MAGI1: variants seen among roughly 807,000 people sequenced by gnomAD.
MAGI1 encodes membrane associated guanylate kinase, WW and PDZ domain containing 1.
MAGI1 carries 58 observed loss-of-function variants against 139.9 expected under a neutral mutation model. That is an observed-to-expected ratio of 0.41 (90% CI 0.34 to 0.52). The LOEUF (loss-of-function observed/expected upper bound fraction) is 0.52, where lower values mean the gene tolerates loss of function less well. Among genes scored for constraint, MAGI1 ranks in the 20% least tolerant of loss-of-function variants. The probability of loss-of-function intolerance (pLI) is 0.12; values close to 1 mark genes in which losing one functional copy is unlikely to be tolerated. For synonymous variants in MAGI1, 812 were observed against 737.9 expected, an observed-to-expected ratio of 1.10 and a Z score of -1.63; for missense variants, 1,874 against 1,901.6, an observed-to-expected ratio of 0.99 and a Z score of 0.27.
chr3:65,810,162 G>GGT (rs2041135147), intron 1 of MAGI1, among the ~76,000 whole-genome samples: 1 of 152,282 alleles, frequency 6.6e-6, no homozygotes, highest in East Asian at 1.9e-4. Flanking sequence ...TCACATATTA[G>GGT]GTAAAGCCAT....
chr3:65,929,306 G>T (rs1049838048), intron 1 of MAGI1, among the ~76,000 whole-genome samples: 3 of 151,254 alleles, frequency 2.0e-5, no homozygotes, highest in Non-Finnish European at 4.4e-5. Flanking sequence ...TTCTAAAATT[G>T]ACAAAAACTC....
chr3:65,963,635 A>AT (rs2064581888), intron 1 of MAGI1, among the ~76,000 whole-genome samples: 1 of 152,146 alleles, frequency 6.6e-6, no homozygotes, highest in Non-Finnish European at 1.5e-5. Context: ...AAATAAATAA[A>AT]AATAATGACA....
At chr3:65,979,975 C>T (rs1412494789) in intron 1 of MAGI1, among the ~76,000 whole-genome samples, 1 of 152,162 alleles carries the variant, frequency 6.6e-6, no homozygotes, top group Admixed American at 6.5e-5. Flanking sequence ...TACAAACTGA[C>T]CATCATTCCC....
chr3:65,786,857 C>T (rs184529262), intron 1 of MAGI1, among the ~76,000 whole-genome samples: 7 of 152,110 alleles, frequency 4.6e-5, no homozygotes, highest in African/African-American at 1.7e-4. Context: ...CCTCGTGATC[C>T]GCCCGCCTCG....
chr3:66,016,404 A>G (rs1313167208), intron 1 of MAGI1, among the ~76,000 whole-genome samples: 1 of 152,216 alleles, frequency 6.6e-6, no homozygotes, highest in Non-Finnish European at 1.5e-5. Flanking sequence ...TCCTGTGCAC[A>G]TAATTACTGA....
intron 1 of MAGI1, among the ~76,000 whole-genome samples, chr3:65,937,542 A>C (rs1196151086): frequency 6.6e-6 from 1 of 152,084 alleles, no homozygotes; most frequent in Non-Finnish European, 1.5e-5. Flanking sequence ...GTCTGACCAC[A>C]GGCACCGGCA....
In MAGI1 at chr3:65,973,443, ACT is replaced by A. The variant is rs2065104911; in HGVS notation, c.313+64551_313+64552del. ...TTCTGACTATTGCAGCTCCCATGAT[ACT>A]CTGATACAAATTTGGCCAAACCACG... On this transcript the variant is annotated intron_variant, in intron 1 of 22. Transcript: ENST00000402939. 2.0e-5 allele frequency among the ~76,000 whole-genome samples: 3 copies of A among 152,114 alleles called. No individual in the cohort carries two copies. The South Asian group carries it at 6.2e-4, about 32-fold the overall frequency.
chr3:65,742,771 T>C (rs2035383718), intron 1 of MAGI1, among the ~76,000 whole-genome samples: 7 of 152,240 alleles, frequency 4.6e-5, no homozygotes. Flanking sequence ...GCTGAGCTGG[T>C]AACCTTCTCT....
At chr3:66,006,674 G>A (rs564834756) in intron 1 of MAGI1, among the ~76,000 whole-genome samples, 4 of 152,224 alleles carry the variant, frequency 2.6e-5, no homozygotes, top group South Asian at 2.1e-4. Context: ...TAATACTGTC[G>A]TTTAAAGAAA....
At chr3:65,854,575 T>C (rs187838479) in intron 1 of MAGI1, among the ~76,000 whole-genome samples, 29 of 152,364 alleles carry the variant, frequency 1.9e-4, no homozygotes, top group African/African-American at 6.3e-4. Flanking sequence ...ATGGATAACT[T>C]TGCAATATGT....
At chr3:65,555,732 C>A (rs1436680954) in intron 2 of MAGI1, among the ~76,000 whole-genome samples, 1 of 152,130 alleles carries the variant, frequency 6.6e-6, no homozygotes, top group Admixed American at 6.6e-5. Flanking sequence ...GTGATGCGTG[C>A]CTGTGGTCCC....
intron 1 of MAGI1, among the ~76,000 whole-genome samples, chr3:65,934,248 A>T (rs573149586): frequency 1.4e-5 from 2 of 146,866 alleles, no homozygotes; most frequent in Non-Finnish European, 1.5e-5. Flanking sequence ...TTTTTTTTTT[A>T]ATATATTTTA....
chr3:65,848,892 A>T (rs976037545), intron 1 of MAGI1, among the ~76,000 whole-genome samples: 1 of 148,192 alleles, frequency 6.7e-6, no homozygotes, highest in Non-Finnish European at 1.5e-5. Flanking sequence ...CTGATTTGTG[A>T]GTGAGTGGGG....
intron 2 of MAGI1, among the ~76,000 whole-genome samples, chr3:65,507,650 C>T (rs2077353323): frequency 1.3e-5 from 2 of 152,174 alleles, no homozygotes; most frequent in Admixed American, 6.5e-5. Context: ...AAATCACAAT[C>T]CAAAAATATA....
chr3:65,793,384 G>C lies in MAGI1; in HGVS notation c.314-171296C>G, dbSNP rs566528804. Among the ~76,000 whole-genome samples the C allele has an allele frequency of 2.0e-5, 3 of 152,260 alleles. No individual in the cohort carries two copies. The East Asian group carries it at 5.8e-4, about 29-fold the overall frequency. The stretch of plus-strand genomic sequence containing the variant: ...ATGAACTCTCATTCACAGAGTCTGG[G>C]GCAATTAAACCAATTACTTTCCACT... On this transcript the variant is annotated intron_variant, in intron 1 of 22. Transcript: ENST00000402939.
intron 2 of MAGI1, among the ~76,000 whole-genome samples, chr3:65,592,156 T>G (rs1431377961): frequency 6.6e-6 from 1 of 152,210 alleles, no homozygotes; most frequent in East Asian, 1.9e-4. Flanking sequence ...TAAATACTTG[T>G]TGAATAAATA....
intron 14 of MAGI1, among the ~76,000 whole-genome samples, chr3:65,389,647 C>G (rs148594086): frequency 6.6e-6 from 1 of 152,196 alleles, no homozygotes; most frequent in Non-Finnish European, 1.5e-5. Flanking sequence ...GAGGACAGAA[C>G]CTGGTTCCTG....
intron 1 of MAGI1, among the ~76,000 whole-genome samples, chr3:65,671,782 A>C (rs2086872225): frequency 6.6e-6 from 1 of 152,140 alleles, no homozygotes; most frequent in Non-Finnish European, 1.5e-5. Flanking sequence ...CAGTCTGTGA[A>C]ATCACTCAGA....
At chr3:65,831,215 C>A (rs890032649) in intron 1 of MAGI1, among the ~76,000 whole-genome samples, 1 of 152,322 alleles carries the variant, frequency 6.6e-6, no homozygotes, top group Non-Finnish European at 1.5e-5. Flanking sequence ...ACTTAATGGA[C>A]AACTTCAAGC....
Sources: gnomAD v4.1 joint callset for allele counts (sites outside exome capture counted in the v4.1 genomes callset) on GRCh38, gnomAD v4.1.1 for gene constraint, MANE v1.5 for transcripts, NCBI Gene and HGNC (gene_info 2026-07-23, HGNC 2026-07-21) for gene names.